The following SOBP variants were observed in gnomAD, a reference collection of about 807,000 sequenced individuals.
The protein encoded by SOBP is sine oculis binding protein homolog.
SOBP carries 4 observed loss-of-function variants against 53.6 expected under a neutral mutation model. The ratio of observed to expected loss-of-function variants is 0.07; its 90% CI spans 0.04 to 0.17. The LOEUF is 0.17. Among genes scored for constraint, SOBP ranks in the 10% least tolerant of loss-of-function variants. The probability of loss-of-function intolerance (pLI) is 1.00; values close to 1 mark genes in which losing one functional copy is unlikely to be tolerated. For synonymous variants in SOBP, 584 were observed against 522.6 expected (o/e 1.12, Z -1.60); for missense variants, 1,088 against 1,204.7 (o/e 0.90, Z 1.43).
Position 107,633,971 on chromosome 6 carries a change from T to C in SOBP, c.1127T>C (p.Leu376Pro). 6.2e-7 allele frequency: 1 copy of C among 1,614,140 alleles called. No homozygotes were observed. Among genetic ancestry groups the C allele is most frequent in the Non-Finnish European group, 8.5e-7 (1 of 1,180,004 alleles). Residue 376 changes from leucine (L) to proline (P), a missense_variant, in exon 6 of 7, where the codon CTT becomes CCT. Leu to Pro is a moderately conservative substitution (Grantham distance 98). Around this residue, in one of 6 missense-constraint regions of SOBP, gnomAD observed 211 missense variants for 258.9 expected, o/e 0.82. Coordinates refer to ENST00000317357, the MANE Select transcript of SOBP (RefSeq NM_018013.4). ...CCACCTGCTAGCATCGGGCCTCCCC[T>C]TGGCGTCCCGCCTCGGAGCCCTCCC... ...VQPPASIGPP[L>P]GVPPRSPPMV...
At chr6:107,604,258 G>A (rs1005202371) in intron 5 of SOBP, among the ~76,000 whole-genome samples, 1 of 152,198 alleles carries the variant, frequency 6.6e-6, no homozygotes, top group African/African-American at 2.4e-5. Context: ...TAATCAAGCT[G>A]TCTAAGCAGT....
chr6:107,634,425 C>T lies in SOBP; in HGVS notation c.1581C>T (p.Tyr527=). Reference sequence around the variant, plus strand: ...CGCCCCCGACCCTGCTCGTGCCGTACCCCGTGATCGTGCCCCTACCGGTGC... The same window carrying T: ...CGCCCCCGACCCTGCTCGTGCCGTATCCCGTGATCGTGCCCCTACCGGTGC... ...LVPPPTLLVP[Y]PVIVPLPVPI... Residue 527 remains tyrosine (Y), a synonymous_variant, in exon 6 of 7, where the codon TAC becomes TAT. Coordinates refer to ENST00000317357, the MANE Select transcript of SOBP (RefSeq NM_018013.4). This position sits in a 1 kb window ranked among gnomAD's most constrained non-coding sequence, Gnocchi z 4.5. 6.2e-7 allele frequency: 1 copy of T among 1,606,726 alleles called. No individual in the cohort carries two copies. The highest frequency in any genetic ancestry group is 8.5e-7 in the Non-Finnish European group (1 of 1,179,792).
intron 3 of SOBP, among the ~76,000 whole-genome samples, chr6:107,520,163 G>A (rs944808929): frequency 3.3e-5 from 5 of 152,266 alleles, no homozygotes; most frequent in African/African-American, 1.2e-4. Context: ...TATGGTAGGG[G>A]TAAGGAAAAA....
intron 6 of SOBP, among the ~76,000 whole-genome samples, chr6:107,656,046 C>T (rs1772018528): frequency 6.6e-6 from 1 of 152,192 alleles, no homozygotes; most frequent in Non-Finnish European, 1.5e-5. Flanking sequence ...CTACAAGATT[C>T]AGTCACTCTT....
Position 107,538,858 on chromosome 6 carries a change from A to G in SOBP, c.573+5248A>G, listed in dbSNP as rs551715553. Among the ~76,000 whole-genome samples the G allele has an allele frequency of 2.2e-4, 34 of 152,350 alleles. No individual in the cohort carries two copies. The South Asian group carries it at 7.0e-3, about 32-fold the overall frequency. On this transcript the variant is annotated intron_variant, in intron 4 of 6. Transcript: ENST00000317357. ...ATGAGAGGCTGGAAAAAGCAATCACAGAGGAGGGGTAAACGTCAGTCCTTG... is the reference window on the plus strand; with the variant it reads ...ATGAGAGGCTGGAAAAAGCAATCACGGAGGAGGGGTAAACGTCAGTCCTTG...
chr6:107,538,149 T>C (rs1487132485), intron 4 of SOBP, among the ~76,000 whole-genome samples: 1 of 152,228 alleles, frequency 6.6e-6, no homozygotes, highest in Non-Finnish European at 1.5e-5. Flanking sequence ...TTAGCATGTA[T>C]CATCATGTTA....
chr6:107,510,132 C>T (rs1321515474), intron 3 of SOBP, among the ~76,000 whole-genome samples: 1 of 152,190 alleles, frequency 6.6e-6, no homozygotes, highest in African/African-American at 2.4e-5. Context: ...CATACTGTCT[C>T]TATCACAACT....
Position 107,633,546 on chromosome 6 carries a change from A to G in SOBP, c.702A>G (p.Thr234=). The part of the protein sequence containing the change: ...VCDWCKHIRH[T]KEYLDFGDGE... ...ACTGGTGTAAGCACATAAGACACAC[A>G]AAAGAATACCTGGATTTTGGGGACG... The change falls in exon 6 of 7, where the codon ACA becomes ACG. Residue 234 remains threonine (T), a synonymous_variant. Coordinates refer to ENST00000317357, the MANE Select transcript of SOBP (RefSeq NM_018013.4). 1 of 1,614,242 alleles carries G rather than the reference A, an allele frequency of 6.2e-7. No homozygotes were observed. Among genetic ancestry groups the G allele is most frequent in the South Asian group, 1.1e-5 (1 of 91,088 alleles).
At chr6:107,542,327 G>GA (rs901741419) in intron 4 of SOBP, among the ~76,000 whole-genome samples, 1 of 152,106 alleles carries the variant, frequency 6.6e-6, no homozygotes, top group Non-Finnish European at 1.5e-5. Context: ...GAGTAAGTGA[G>GA]AAACAGAGGT....
At chr6:107,500,937 T>G (rs1782830644) in intron 1 of SOBP, among the ~76,000 whole-genome samples, 1 of 152,210 alleles carries the variant, frequency 6.6e-6, no homozygotes, top group South Asian at 2.1e-4. Flanking sequence ...ATTTTGGTGT[T>G]CGTTTTCTCT....
At chr6:107,531,102 T>G (rs2114984337) in intron 3 of SOBP, among the ~76,000 whole-genome samples, 1 of 152,360 alleles carries the variant, frequency 6.6e-6, no homozygotes, top group East Asian at 1.9e-4. Flanking sequence ...CACTCTATTC[T>G]TTCTCATCTC....
intron 4 of SOBP, among the ~76,000 whole-genome samples, chr6:107,564,787 C>T (rs1235586422): frequency 4.6e-5 from 7 of 152,190 alleles, no homozygotes; most frequent in South Asian, 2.1e-4. Context: ...TCATTTGCCT[C>T]GGGGAGCCAA....
At chr6:107,565,796 C>G (rs554261549) in intron 4 of SOBP, among the ~76,000 whole-genome samples, 5 of 152,168 alleles carry the variant, frequency 3.3e-5, no homozygotes, top group Admixed American at 6.5e-5. Context: ...CAGCACCTTC[C>G]AAATCTAACC....
chr6:107,491,889 A>C (rs1782590426), intron 1 of SOBP, among the ~76,000 whole-genome samples: 1 of 152,246 alleles, frequency 6.6e-6, no homozygotes, highest in Non-Finnish European at 1.5e-5. Context: ...TTTCTTCATT[A>C]GAACAAGCAT....
At position 107,634,739 on chromosome 6, in the gene SOBP, G is replaced by C. The variant is rs1244726700; in HGVS notation, c.1895G>C (p.Gly632Ala). 9.7e-6 allele frequency: 13 copies of C among 1,339,496 alleles called. No individual in the cohort carries two copies. The highest frequency in any genetic ancestry group is 1.0e-5 in the Non-Finnish European group (11 of 1,053,608). 83.0% of individuals were successfully genotyped at this position (1,339,496 alleles called of 1,614,324 possible). A position where few individuals can be genotyped will look rare whatever the true frequency, so the allele number is the denominator to read the frequency against. ...ACGCGGCGCGCCGGCAGCCCCCCGG[G>C]CCCCCCGGGCGCGGGCGGCCAGCTC... ...DLTRRAGSPP[G>A]PPGAGGQLGF... The change falls in exon 6 of 7, where the codon GGC becomes GCC. Residue 632 changes from glycine to alanine, a missense_variant. Gly to Ala is a moderately conservative substitution (Grantham distance 60, BLOSUM62 0). Coordinates refer to ENST00000317357, the MANE Select transcript of SOBP (RefSeq NM_018013.4). The surrounding 1 kb of genome is among the most constrained non-coding windows in gnomAD (Gnocchi z 4.5).
At chr6:107,543,894 A>G (rs1317648008) in intron 4 of SOBP, among the ~76,000 whole-genome samples, 2 of 152,224 alleles carry the variant, frequency 1.3e-5, no homozygotes, top group Non-Finnish European at 2.9e-5. Flanking sequence ...TGATGTGATC[A>G]CTATTTCCAC....
intron 5 of SOBP, among the ~76,000 whole-genome samples, chr6:107,628,744 C>G (rs1232294110): frequency 6.6e-6 from 1 of 152,232 alleles, no homozygotes; most frequent in Non-Finnish European, 1.5e-5. Flanking sequence ...ATGTGATTTC[C>G]ATAGCCTCTT....
intron 5 of SOBP, among the ~76,000 whole-genome samples, chr6:107,604,987 C>T (rs1036160604): frequency 2.0e-5 from 3 of 152,306 alleles, no homozygotes; most frequent in Admixed American, 6.5e-5. Context: ...CCTGGAATTT[C>T]TCCCTGGCCT....
intron 4 of SOBP, among the ~76,000 whole-genome samples, chr6:107,536,999 CTT>C (rs1192462281): frequency 3.3e-5 from 5 of 152,284 alleles, no homozygotes; most frequent in African/African-American, 1.2e-4. Flanking sequence ...GTATTGGAGA[CTT>C]TTCAGGGAAC....
Sources: gnomAD v4.1 joint callset for allele counts (sites outside exome capture counted in the v4.1 genomes callset) on GRCh38, gnomAD v4.1.1 for gene constraint, gnomAD v4.1.1 regional missense constraint, Gnocchi (gnomAD v3.1) non-coding constraint, MANE v1.5 for transcripts, NCBI Gene and HGNC (gene_info 2026-07-23, HGNC 2026-07-21) for gene names.